The following SNX7 variants were observed in gnomAD, a reference collection of about 807,000 sequenced individuals.
The protein encoded by SNX7 is sorting nexin-7.
Under a neutral mutation model 48.4 loss-of-function variants are expected in SNX7, and 35 were observed. The observed-to-expected ratio is 0.72, with a 90% CI of 0.55 to 0.96. The LOEUF (loss-of-function observed/expected upper bound fraction) is 0.96. SNX7 is among the 40% of genes least tolerant of loss of function. The pLI is 0.00. For synonymous variants in SNX7, 190 were observed against 190.2 expected, an observed-to-expected ratio of 1.00 and a Z score of 0.01; for missense variants, 553 against 548.9, an observed-to-expected ratio of 1.01 and a Z score of -0.07.
At chr1:98,674,631 A>G (rs569888437) in intron 1 of SNX7, among the ~76,000 whole-genome samples, 1 of 152,358 alleles carries the variant, frequency 6.6e-6, no homozygotes, top group African/African-American at 2.4e-5. Flanking sequence ...AATTTGGGTG[A>G]GGGAACAATT....
chr1:98,665,400 G>A (rs996512413), intron 1 of SNX7, among the ~76,000 whole-genome samples: 1 of 152,020 alleles, frequency 6.6e-6, no homozygotes, highest in Non-Finnish European at 1.5e-5. Context: ...CTCCAAAAAA[G>A]CCATGAAATG....
chr1:98,745,473 C>T (rs565234653), intron 8 of SNX7, among the ~76,000 whole-genome samples: 60 of 152,060 alleles, frequency 3.9e-4, no homozygotes, highest in African/African-American at 1.3e-3. Flanking sequence ...AGGAGACAGA[C>T]GCCCTGATGG....
intron 1 of SNX7, among the ~76,000 whole-genome samples, chr1:98,682,784 C>T (rs1176423967): frequency 6.6e-6 from 1 of 152,120 alleles, no homozygotes; most frequent in Non-Finnish European, 1.5e-5. Context: ...GTGTCCTGTT[C>T]ATTTTGGGGA....
At chr1:98,758,921 GTGTT>G (rs984613062) in intron 8 of SNX7, among the ~76,000 whole-genome samples, 16 of 145,962 alleles carry the variant, frequency 1.1e-4, no homozygotes, top group Non-Finnish European at 2.0e-4. Context: ...TGAAAAAAAT[GTGTT>G]TGTGCATACA....
chr1:98,719,321 C>T (rs1028083100), intron 7 of SNX7, among the ~76,000 whole-genome samples: 1 of 152,100 alleles, frequency 6.6e-6, no homozygotes, highest in Non-Finnish European at 1.5e-5. Flanking sequence ...TATTTACATT[C>T]TCACCAGCTG....
intron 7 of SNX7, among the ~76,000 whole-genome samples, chr1:98,711,808 C>G (rs1413559122): frequency 6.6e-6 from 1 of 152,156 alleles, no homozygotes; most frequent in African/African-American, 2.4e-5. Context: ...CCGTAGCATG[C>G]AATGTTGTTT....
At chr1:98,661,994 C>G (rs1465388815) in intron 1 of SNX7, 83 bp downstream of exon 1, 1 of 1,220,698 alleles carries the variant, frequency 8.2e-7, no homozygotes. Flanking sequence ...CTGCCTCTGG[C>G]GCGCTTGCCC....
intron 2 of SNX7, among the ~76,000 whole-genome samples, chr1:98,690,526 T>C (rs1178089818): frequency 6.6e-6 from 1 of 152,100 alleles, no homozygotes; most frequent in Admixed American, 6.5e-5. Flanking sequence ...TAATTACTTT[T>C]TAAACAGTGG....
At chr1:98,752,979 T>C (rs1654660027) in intron 8 of SNX7, among the ~76,000 whole-genome samples, 1 of 152,058 alleles carries the variant, frequency 6.6e-6, no homozygotes, top group Admixed American at 6.6e-5. Context: ...ACCCTGGTGA[T>C]GGTTCAGGAC....
intron 1 of SNX7, among the ~76,000 whole-genome samples, chr1:98,672,319 A>G (rs1485246019): frequency 6.6e-6 from 1 of 151,666 alleles, no homozygotes; most frequent in Admixed American, 6.6e-5. Context: ...TGACAGAGGG[A>G]AAATAATATG....
chr1:98,676,117 C>G (rs1027959643), intron 1 of SNX7, among the ~76,000 whole-genome samples: 5 of 151,876 alleles, frequency 3.3e-5, no homozygotes, highest in African/African-American at 9.7e-5. Flanking sequence ...AATTCCCTCT[C>G]TCCCTCCCTG....
intron 5 of SNX7, among the ~76,000 whole-genome samples, chr1:98,696,811 AGTTAGGTG>A (rs762693085): frequency 1.3e-5 from 2 of 151,890 alleles, no homozygotes; most frequent in Non-Finnish European, 2.9e-5. Flanking sequence ...CTGGATGCAT[AGTTAGGTG>A]GTATGGCAAT....
chr1:98,734,902 A>G (rs1653697392), intron 7 of SNX7, among the ~76,000 whole-genome samples: 1 of 152,182 alleles, frequency 6.6e-6, no homozygotes, highest in Non-Finnish European at 1.5e-5. Flanking sequence ...ACAGAGGGCT[A>G]AACTGCTGTC....
At chr1:98,673,206 A>G (rs560455578) in intron 1 of SNX7, among the ~76,000 whole-genome samples, 51 of 152,316 alleles carry the variant, frequency 3.3e-4, no homozygotes, top group African/African-American at 1.1e-3. Flanking sequence ...TGTGAAAATG[A>G]GCTTTGCTGG....
chr1:98,746,328 C>G (rs1160228305), intron 8 of SNX7, among the ~76,000 whole-genome samples: 3 of 152,018 alleles, frequency 2.0e-5, no homozygotes, highest in Admixed American at 6.6e-5. Flanking sequence ...TCCTACAATC[C>G]TTTACTTCCA....
At chr1:98,674,543 C>G (rs1650055237) in intron 1 of SNX7, among the ~76,000 whole-genome samples, 1 of 152,140 alleles carries the variant, frequency 6.6e-6, no homozygotes, top group East Asian at 1.9e-4. Flanking sequence ...CTCATTTTAA[C>G]TTTATCAGAT....
Position 98,740,523 on chromosome 1 carries a change from T to G in SNX7, c.1278+2134T>G, listed in dbSNP as rs1654019721. ...CAAATGCACTTAATATTATTTTCCT[T>G]TAAATGTTAAGATCTGCCAATTTTT... On this transcript the variant is annotated intron_variant, in intron 8 of 8. Transcript: ENST00000306121. Among the ~76,000 whole-genome samples the G allele has an allele frequency of 3.3e-5, 5 of 152,174 alleles. No homozygotes were observed. In the South Asian group the frequency reaches 1.0e-3, roughly 31 times the overall value.
rs1326332244 is a variant in SNX7, at chr1:98,704,042, C to A, written c.1125+2139C>A. Among the ~76,000 whole-genome samples the A allele has an allele frequency of 2.0e-5, 3 of 151,802 alleles. No homozygotes were observed. The East Asian group carries it at 5.8e-4, about 29-fold the overall frequency. On this transcript the variant is annotated intron_variant, in intron 7 of 8. Coordinates refer to ENST00000306121, the MANE Select transcript of SNX7 (RefSeq NM_015976.5). ...GCACAAGGAAAAAAATAGCCTGGGT[C>A]CAAATATGGCTGGGATTTCCCAACT...
intron 1 of SNX7, among the ~76,000 whole-genome samples, chr1:98,677,645 C>T (rs1048170503): frequency 3.3e-5 from 5 of 151,938 alleles, no homozygotes; most frequent in African/African-American, 4.8e-5. Flanking sequence ...TTTGGTAGGC[C>T]GAGGTGGGTG....
Sources: gnomAD v4.1 joint callset for allele counts (sites outside exome capture counted in the v4.1 genomes callset) on GRCh38, gnomAD v4.1.1 for gene constraint, MANE v1.5 for transcripts, NCBI Gene and HGNC (gene_info 2026-07-23, HGNC 2026-07-21) for gene names.